CALN1: variants seen among roughly 807,000 people sequenced by gnomAD.
CALN1 encodes calcium-binding protein 8.
CALN1 carries 17 observed loss-of-function variants against 30.6 expected under a neutral mutation model. The ratio of observed to expected loss-of-function variants is 0.56; its 90% CI spans 0.38 to 0.83. The LOEUF is 0.83. Ranked by LOEUF, CALN1 falls within the 40% of genes least tolerant of loss-of-function variation. The pLI is 0.00. For synonymous variants in CALN1, 156 were observed against 131.4 expected, an observed-to-expected ratio of 1.19 and a Z score of -1.28; for missense variants, 291 against 354.9, an observed-to-expected ratio of 0.82 and a Z score of 1.45.
At chr7:72,056,115 T>C (rs1413849843) in intron 4 of CALN1, among the ~76,000 whole-genome samples, 1 of 150,942 alleles carries the variant, frequency 6.6e-6, no homozygotes, top group East Asian at 2.0e-4. Context: ...CATAAAAGAA[T>C]ACCATGCTTC....
intron 5 of CALN1, among the ~76,000 whole-genome samples, chr7:71,976,788 T>C (rs375411770): frequency 2.0e-4 from 31 of 152,238 alleles, no homozygotes; most frequent in South Asian, 2.1e-4. Context: ...CTGAAATCGA[T>C]TGGAACCAAG....
At chr7:71,792,641 A>C (rs1049039735) in intron 6 of CALN1, among the ~76,000 whole-genome samples, 1 of 152,202 alleles carries the variant, frequency 6.6e-6, no homozygotes, top group Admixed American at 6.5e-5. Context: ...GTGGCATTTA[A>C]GAAGGAAAGG....
intron 6 of CALN1, among the ~76,000 whole-genome samples, chr7:71,791,236 T>A (rs1391281885): frequency 6.6e-6 from 1 of 152,206 alleles, no homozygotes; most frequent in African/African-American, 2.4e-5. Flanking sequence ...CTTTATCCAA[T>A]CTACCATTGA....
chr7:72,108,812 A>C (rs1807358250), intron 3 of CALN1, among the ~76,000 whole-genome samples: 1 of 152,234 alleles, frequency 6.6e-6, no homozygotes, highest in Admixed American at 6.5e-5. Context: ...TAGATATATC[A>C]GCCTCTTTTT....
chr7:71,811,207 T>C (rs1787935641), intron 5 of CALN1, among the ~76,000 whole-genome samples: 1 of 151,764 alleles, frequency 6.6e-6, no homozygotes, highest in South Asian at 2.1e-4. Context: ...TAATTATGTA[T>C]CGTTTAAAAA....
intron 5 of CALN1, among the ~76,000 whole-genome samples, chr7:72,021,659 T>C (rs1468867995): frequency 6.6e-6 from 1 of 152,200 alleles, no homozygotes; most frequent in Non-Finnish European, 1.5e-5. Context: ...CACTCTCCCC[T>C]GATCCTGGAT....
chr7:72,389,328 T>C (rs1262947383), intron 2 of CALN1, among the ~76,000 whole-genome samples: 1 of 152,214 alleles, frequency 6.6e-6, no homozygotes, highest in Non-Finnish European at 1.5e-5. Flanking sequence ...TTTCCTTTAC[T>C]TCTGTTTCAT....
At chr7:72,246,332 G>C (rs2129551669) in intron 3 of CALN1, among the ~76,000 whole-genome samples, 1 of 152,180 alleles carries the variant, frequency 6.6e-6, no homozygotes, top group Non-Finnish European at 1.5e-5. Context: ...TGAGGGGTGA[G>C]GGCTCCTGCA....
At chr7:72,409,222 C>T (rs1220902995) in intron 1 of CALN1, among the ~76,000 whole-genome samples, 2 of 151,478 alleles carry the variant, frequency 1.3e-5, no homozygotes, top group African/African-American at 2.4e-5. Context: ...TCTCCAAGTC[C>T]TGACCTCATG....
chr7:71,823,697 A>G (rs551177388), intron 5 of CALN1, among the ~76,000 whole-genome samples: 15 of 152,120 alleles, frequency 9.9e-5, no homozygotes, highest in African/African-American at 1.4e-4. Flanking sequence ...CAGCCTGGGC[A>G]ACAGAGCGAG....
intron 1 of CALN1, among the ~76,000 whole-genome samples, chr7:72,408,513 T>C (rs779861892): frequency 2.0e-5 from 3 of 151,816 alleles, no homozygotes; most frequent in Non-Finnish European, 4.4e-5. Flanking sequence ...AGAGCGTAAC[T>C]GGAATATGTT....
chr7:71,913,489 T>C (rs1794530702), intron 5 of CALN1, among the ~76,000 whole-genome samples: 1 of 152,212 alleles, frequency 6.6e-6, no homozygotes, highest in African/African-American at 2.4e-5. Flanking sequence ...TCTCTATGTA[T>C]AAGAAAGAAG....
In CALN1 at chr7:72,161,166, TAAATA is replaced by T. The variant is rs1405150587; in HGVS notation, c.245-54877_245-54873del. Among the ~76,000 whole-genome samples, 8 of 152,290 alleles carry T rather than the reference TAAATA, an allele frequency of 5.3e-5. 1 individual carries two copies. In the East Asian group the frequency reaches 1.2e-3, roughly 22 times the overall value. ...GAGAAACGTAAACTAACTAACTCAA[TAAATA>T]AGAGGATGACATAAGGAGGATTCCC... On this transcript the variant is annotated intron_variant, in intron 3 of 6. Transcript: ENST00000395275.
At chr7:72,433,020 C>T (rs1248641623) in intron 1 of CALN1, among the ~76,000 whole-genome samples, 7 of 152,134 alleles carry the variant, frequency 4.6e-5, no homozygotes, top group South Asian at 2.1e-4. Flanking sequence ...TTTCTACACA[C>T]CCTATGGACT....
At chr7:71,826,918 C>A (rs529958112) in intron 5 of CALN1, among the ~76,000 whole-genome samples, 1 of 152,116 alleles carries the variant, frequency 6.6e-6, no homozygotes, top group Non-Finnish European at 1.5e-5. Flanking sequence ...GCTATGGTGC[C>A]TGGAGATGTC....
At chr7:72,477,245 C>A in the CALN1 span, among the ~76,000 whole-genome samples, 320 of 151,760 alleles carry the variant, frequency 2.1e-3, no homozygotes, top group Non-Finnish European at 2.0e-3. Context: ...GCCCTGAGAA[C>A]ATGAAAGCGA....
At position 72,401,387 on chromosome 7, in the gene CALN1, GCTTT is replaced by G. The variant is rs1312010416; in HGVS notation, c.119+1860_119+1863del. Reference sequence around the variant, plus strand: ...GCCCCACCCGATCCCCTGCTTTTTGGCTTTCTCTCTCTCAGCCCACTGCACAAAG... The same window carrying G: ...GCCCCACCCGATCCCCTGCTTTTTGGCTCTCTCTCAGCCCACTGCACAAAG... On this transcript the variant is annotated intron_variant, in intron 2 of 6. Transcript: ENST00000395275. Among the ~76,000 whole-genome samples the G allele has an allele frequency of 3.3e-5, 5 of 152,140 alleles. No individual in the cohort carries two copies. In the South Asian group the frequency reaches 8.3e-4, roughly 25 times the overall value.
chr7:72,042,998 A>C (rs1186095942), intron 4 of CALN1, among the ~76,000 whole-genome samples: 1 of 152,154 alleles, frequency 6.6e-6, no homozygotes, highest in Non-Finnish European at 1.5e-5. Flanking sequence ...CAAGGCCACA[A>C]AAATTTATAG....
intron 4 of CALN1, among the ~76,000 whole-genome samples, chr7:72,084,941 C>T (rs890271036): frequency 2.6e-5 from 4 of 152,164 alleles, no homozygotes; most frequent in African/African-American, 9.7e-5. Context: ...CATCCCACTC[C>T]AACTTGCCAG....
Sources: allele counts gnomAD v4.1 joint callset (sites outside exome capture counted in the v4.1 genomes callset), GRCh38; gene constraint gnomAD v4.1.1; transcripts MANE v1.5; gene names NCBI Gene and HGNC (gene_info 2026-07-23, HGNC 2026-07-21).